The following MRAS variants were observed in gnomAD, a reference collection of about 807,000 sequenced individuals.
MRAS encodes ras-related protein M-Ras.
A neutral mutation model predicts 20.9 loss-of-function variants in MRAS; 4 were observed. The observed-to-expected ratio is 0.19, with a 90% CI of 0.09 to 0.44. The LOEUF (loss-of-function observed/expected upper bound fraction) is 0.44, where lower values mean the gene tolerates loss of function less well. MRAS is among the 20% of genes least tolerant of loss of function. MRAS has a pLI of 0.99. For missense variants in MRAS, 154 were observed against 277.5 expected (o/e 0.56, Z 3.16); for synonymous variants, 98 against 102.9 (o/e 0.95, Z 0.29).
Position 138,405,477 on chromosome 3 carries a change from G to A in MRAS, c.*3208G>A, listed in dbSNP as rs1276224626. On this transcript the variant is annotated 3_prime_UTR_variant, in exon 6 of 6. Transcript: ENST00000423968. The stretch of plus-strand genomic sequence containing the variant: ...TCTCAGTGATGTTTGAACCTTCTGT[G>A]TAACTTTTTATTAAGTCTTTGTATC... The A allele has an allele frequency of 6.6e-6, 1 of 152,668 alleles. No homozygotes were observed. The highest frequency in any genetic ancestry group is 1.5e-5 in the Non-Finnish European group (1 of 68,048). The allele number at this position is 152,668 out of a possible 1,614,324, so 9.5% of individuals were successfully genotyped here.
intron 2 of MRAS, among the ~76,000 whole-genome samples, chr3:138,388,418 G>T (rs900337297): frequency 6.6e-6 from 1 of 152,204 alleles, no homozygotes; most frequent in Non-Finnish European, 1.5e-5. Flanking sequence ...TAGGCATGGG[G>T]CTGGGCACAG....
intron 1 of MRAS, among the ~76,000 whole-genome samples, chr3:138,363,173 C>G (rs897394914): frequency 6.6e-6 from 1 of 152,088 alleles, no homozygotes; most frequent in Admixed American, 6.5e-5. Context: ...AGTGATTCTC[C>G]TCCCTCAGCC....
chr3:138,358,595 C>T (rs1043687335), intron 1 of MRAS, among the ~76,000 whole-genome samples: 5 of 152,212 alleles, frequency 3.3e-5, no homozygotes, highest in African/African-American at 1.2e-4. Flanking sequence ...TATTGAGTAC[C>T]TTCTCTGTGC....
At chr3:138,365,607 G>A (rs2054542892) in intron 1 of MRAS, among the ~76,000 whole-genome samples, 1 of 152,208 alleles carries the variant, frequency 6.6e-6, no homozygotes, top group African/African-American at 2.4e-5. Flanking sequence ...GAAGACTTGG[G>A]TAATAGAGAT....
rs2054708327 is a variant in MRAS, at chr3:138,373,072, G to A, written c.189G>A (p.Leu63=). The change falls in exon 2 of 6, where the codon TTG becomes TTA. Residue 63 remains leucine, a synonymous_variant. Transcript: ENST00000423968. ...HTEIDNQWAI[L]DVLDTAGQEE... is the part of the protein sequence containing the mutation. The stretch of plus-strand genomic sequence containing the variant: ...AGATTGACAATCAATGGGCCATCTT[G>A]GACGGTGAGACCTGGGTGGCAGCCC... 2 of 1,473,544 alleles carry A rather than the reference G, an allele frequency of 1.4e-6. No homozygotes were observed. The highest frequency in any genetic ancestry group is 2.9e-5 in the African/African-American group (2 of 68,486). 91.3% of individuals were successfully genotyped at this position (1,473,544 alleles called of 1,614,324 possible). A position where few individuals can be genotyped will look rare whatever the true frequency, so the allele number is the denominator to read the frequency against.
chr3:138,402,448 G>T lies in MRAS; in HGVS notation c.*179G>T. The T allele has an allele frequency of 1.7e-6, 1 of 579,338 alleles. No individual in the cohort carries two copies. 35.9% of individuals were successfully genotyped at this position (579,338 alleles called of 1,614,324 possible). On this transcript the variant is annotated 3_prime_UTR_variant, in exon 6 of 6. Transcript: ENST00000423968. Reference sequence around the variant, plus strand: ...GTCTGGCTTTGCCCAGAGGGCACGGGCTTTCCCACCTCTCAAAGAGACAAG... The same window carrying T: ...GTCTGGCTTTGCCCAGAGGGCACGGTCTTTCCCACCTCTCAAAGAGACAAG...
intron 2 of MRAS, among the ~76,000 whole-genome samples, chr3:138,378,451 G>A (rs966957342): frequency 1.3e-5 from 2 of 152,138 alleles, no homozygotes; most frequent in Non-Finnish European, 2.9e-5. Context: ...GCAAGGGTTC[G>A]GGATCCTCAT....
chr3:138,384,510 A>G (rs1324574488), intron 2 of MRAS, among the ~76,000 whole-genome samples: 3 of 152,192 alleles, frequency 2.0e-5, no homozygotes, highest in Non-Finnish European at 4.4e-5. Context: ...GCATAGAGTT[A>G]CATTTATCAA....
intron 1 of MRAS, among the ~76,000 whole-genome samples, chr3:138,353,077 G>A (rs866405003): frequency 2.0e-5 from 3 of 152,092 alleles, no homozygotes; most frequent in African/African-American, 7.2e-5. Flanking sequence ...GTCACACCCC[G>A]TAGAGCACAT....
At chr3:138,373,239 A>G (rs190497671) in intron 2 of MRAS, among the ~76,000 whole-genome samples, 163 bp downstream of exon 2, 139 of 152,290 alleles carry the variant, frequency 9.1e-4, no homozygotes, top group Non-Finnish European at 3.4e-4. Flanking sequence ...CTCAACAGGG[A>G]AGGCCTGCGT....
intron 1 of MRAS, among the ~76,000 whole-genome samples, chr3:138,372,394 A>G (rs1454772756): frequency 2.6e-5 from 4 of 152,210 alleles, no homozygotes; most frequent in African/African-American, 9.6e-5. Context: ...CCCAGAGCTC[A>G]GGTGTGCTAA....
intron 2 of MRAS, among the ~76,000 whole-genome samples, chr3:138,383,383 T>G (rs1213055246): frequency 6.6e-6 from 1 of 152,156 alleles, no homozygotes; most frequent in African/African-American, 2.4e-5. Flanking sequence ...CAGGCTAGAG[T>G]GCAGTGGCAT....
chr3:138,378,374 C>T (rs1215961950), intron 2 of MRAS, among the ~76,000 whole-genome samples: 1 of 152,234 alleles, frequency 6.6e-6, no homozygotes, highest in Non-Finnish European at 1.5e-5. Flanking sequence ...CAGGGGCCAG[C>T]AGCCAGGCTC....
intron 1 of MRAS, among the ~76,000 whole-genome samples, chr3:138,356,336 A>G (rs1203756581): frequency 1.3e-5 from 2 of 152,160 alleles, no homozygotes; most frequent in African/African-American, 2.4e-5. Context: ...GGAGCTGACC[A>G]TTTATGGGGG....
intron 2 of MRAS, among the ~76,000 whole-genome samples, chr3:138,396,773 C>T (rs946762390): frequency 6.6e-6 from 1 of 152,102 alleles, no homozygotes; most frequent in Non-Finnish European, 1.5e-5. Context: ...GTATCTGTCC[C>T]CTTGGGGGCT....
chr3:138,386,292 A>C (rs1458617138), intron 2 of MRAS, among the ~76,000 whole-genome samples: 3 of 151,630 alleles, frequency 2.0e-5, no homozygotes, highest in Non-Finnish European at 2.9e-5. Context: ...CAGTCCCTGA[A>C]ACCATTAATC....
At position 138,372,890 on chromosome 3, in the gene MRAS, A is replaced by G; in HGVS notation, c.7A>G (p.Thr3Ala). The change falls in exon 2 of 6, where the codon ACC (threonine) becomes GCC (alanine). Residue 3 changes from threonine (T) to alanine (A), a missense_variant. Physicochemically the swap from Thr to Ala is moderately conservative, Grantham distance 58. Coordinates refer to ENST00000423968, the MANE Select transcript of MRAS (RefSeq NM_001085049.3). ...GGTCTGACCTACGAGAAACATGGCA[A>G]CCAGCGCCGTCCCCAGTGACAACCT... The part of the protein sequence containing the change: MA[T>A]SAVPSDNLPT... The G allele has an allele frequency of 6.5e-7, 1 of 1,537,056 alleles. No homozygotes were observed. Among genetic ancestry groups the G allele is most frequent in the South Asian group, 1.3e-5 (1 of 78,954 alleles).
At chr3:138,375,121 A>G (rs186802766) in intron 2 of MRAS, among the ~76,000 whole-genome samples, 109 of 152,286 alleles carry the variant, frequency 7.2e-4, no homozygotes, top group African/African-American at 2.5e-3. Flanking sequence ...TCTTGGCTTC[A>G]AGCAATCCTT....
intron 2 of MRAS, among the ~76,000 whole-genome samples, chr3:138,374,986 ATCT>A (rs1475008927): frequency 6.6e-6 from 1 of 151,976 alleles, no homozygotes; most frequent in Admixed American, 6.5e-5. Flanking sequence ...GGCTCAAGAG[ATCT>A]TCTTGCCTCA....
Sources: allele counts gnomAD v4.1 joint callset (sites outside exome capture counted in the v4.1 genomes callset), GRCh38; gene constraint gnomAD v4.1.1; transcripts MANE v1.5; gene names NCBI Gene and HGNC (gene_info 2026-07-23, HGNC 2026-07-21).